TRAPPC8: variants seen among roughly 807,000 people sequenced by gnomAD.
The protein encoded by TRAPPC8 is trafficking protein particle complex subunit 8, also known as general sporulation gene 1 homolog.
A neutral mutation model predicts 174.3 loss-of-function variants in TRAPPC8; 54 were observed. That is an observed-to-expected ratio of 0.31 (90% CI 0.25 to 0.39). The LOEUF (loss-of-function observed/expected upper bound fraction) is 0.39, where lower values mean the gene tolerates loss of function less well. Ranked by LOEUF, TRAPPC8 falls within the 10% of genes least tolerant of loss-of-function variation. The probability of loss-of-function intolerance (pLI) is 1.00; values close to 1 mark genes in which losing one functional copy is unlikely to be tolerated. For synonymous variants in TRAPPC8, 630 were observed against 579.9 expected (o/e 1.09, Z -1.24); for missense variants, 1,531 against 1,699.1 (o/e 0.90, Z 1.74).
intron 11 of TRAPPC8, among the ~76,000 whole-genome samples, chr18:31,896,825 T>C (rs919697131): frequency 2.0e-5 from 3 of 152,190 alleles, no homozygotes; most frequent in Non-Finnish European, 4.4e-5. Context: ...GATTACACTA[T>C]GTTGGCCAGG....
At chr18:31,899,225 AT>A (rs947753761) in intron 10 of TRAPPC8, among the ~76,000 whole-genome samples, 8 of 152,144 alleles carry the variant, frequency 5.3e-5, no homozygotes, top group Non-Finnish European at 1.5e-5. Context: ...TATTTTACTT[AT>A]TTATGTTTGA....
intron 16 of TRAPPC8, among the ~76,000 whole-genome samples, chr18:31,868,809 C>T (rs1202465164): frequency 6.6e-6 from 1 of 151,954 alleles, no homozygotes; most frequent in Non-Finnish European, 1.5e-5. Flanking sequence ...CTCAAGCAAT[C>T]CTCCCACCTC....
chr18:31,863,585 G>C (rs1440043435), intron 19 of TRAPPC8, among the ~76,000 whole-genome samples: 1 of 152,176 alleles, frequency 6.6e-6, no homozygotes, highest in Non-Finnish European at 1.5e-5. Flanking sequence ...TAGTATGATT[G>C]CATCTATAAT....
rs1007947292 is a variant in TRAPPC8, at chr18:31,864,763, A to G, written c.2609T>C (p.Met870Thr). The part of the protein sequence containing the change: ...GCHTGKYSLS[M>T]SVRGKQDLEI... ...TAAATCCTGCTTCCCTCGGACTGAC[A>G]TACTCAAGGAATATTTTCCTGAAAT... is the stretch of plus-strand genomic sequence containing the variant. The change falls in exon 19 of 29, where the codon ATG (methionine) becomes ACG (threonine). Residue 870 changes from methionine (M) to threonine (T), a missense_variant. Transcript: ENST00000283351. The G allele has an allele frequency of 1.9e-6, 3 of 1,607,528 alleles. No homozygotes were observed. Among genetic ancestry groups the G allele is most frequent in the Non-Finnish European group, 2.5e-6 (3 of 1,177,940 alleles).
In TRAPPC8 at chr18:31,857,994, G is replaced by GTATAAA. The variant is rs761194296; in HGVS notation, c.2746-13_2746-12insTTTATA. 1.3e-6 allele frequency: 2 copies of GTATAAA among 1,552,138 alleles called. No homozygotes were observed. The highest frequency in any genetic ancestry group is 1.7e-6 in the Non-Finnish European group (2 of 1,152,170). ...TGTATAAAGAACACCTGCATTGGAG[G>GTATAAA]GAAAAAATATTATTATTTGTCTGTT... On this transcript the variant is annotated splice_polypyrimidine_tract_variant and intron_variant, in intron 19 of 28. Coordinates refer to ENST00000283351, the MANE Select transcript of TRAPPC8 (RefSeq NM_014939.5).
At chr18:31,833,537 T>A (rs1184443415) in intron 27 of TRAPPC8, 5 of 152,264 alleles carry the variant, frequency 3.3e-5, no homozygotes, top group Non-Finnish European at 7.3e-5. Context: ...TCAAGTCTCA[T>A]GTCTCATTTT....
rs746552688 is a variant in TRAPPC8 at position 31,908,346 on chromosome 18, G to C, written c.1195C>G (p.Pro399Ala). The C allele has an allele frequency of 1.9e-6, 3 of 1,606,356 alleles. No individual in the cohort carries two copies. The Admixed American group carries it at 5.1e-5, about 27-fold the overall frequency. ...TKKWFSGSKV[P>A]EKSINDLKNT... ...TTCAGGTCATTAATGCTCTTTTCTG[G>C]AACTTTACTGCCACTAAACCATTTT... is the stretch of plus-strand genomic sequence containing the variant. The change falls in exon 8 of 29, where the codon CCA (proline) becomes GCA (alanine). Residue 399 changes from proline to alanine, a missense_variant. By Grantham distance (27) the Pro-to-Ala change is conservative (BLOSUM62 -1). Coordinates refer to ENST00000283351, the MANE Select transcript of TRAPPC8 (RefSeq NM_014939.5).
chr18:31,882,585 A>G (rs139656049), intron 12 of TRAPPC8, among the ~76,000 whole-genome samples: 90 of 152,000 alleles, frequency 5.9e-4, no homozygotes, highest in Non-Finnish European at 7.9e-4. Flanking sequence ...TGCAGCAAAC[A>G]CAGACATGGA....
chr18:31,844,726 AAAAAG>A (rs1197178784), intron 26 of TRAPPC8: 15 of 151,550 alleles, frequency 9.9e-5, no homozygotes, highest in African/African-American at 3.1e-4. Context: ...AAAAAAAAAA[AAAAAG>A]AAAAGAAAAG....
chr18:31,863,218 A>C (rs575727357), intron 19 of TRAPPC8, among the ~76,000 whole-genome samples: 2 of 152,150 alleles, frequency 1.3e-5, no homozygotes, highest in African/African-American at 2.4e-5. Flanking sequence ...ACAAAAACTG[A>C]TATTATCCAG....
At position 31,840,357 on chromosome 18, in the gene TRAPPC8, AAAAT is replaced by A. The variant is rs1396571824; in HGVS notation, c.3838-904_3838-901del. ...GGGCAACAGAATGTGGCTCTGCCTC[AAAAT>A]AAATAGAGAGACAGAGGGAGGGAGG... On this transcript the variant is annotated intron_variant, in intron 26 of 28. Coordinates refer to ENST00000283351, the MANE Select transcript of TRAPPC8 (RefSeq NM_014939.5). Among the ~76,000 whole-genome samples, 4 of 151,918 alleles carry A rather than the reference AAAAT, an allele frequency of 2.6e-5. No homozygotes were observed. The East Asian group carries it at 7.7e-4, about 29-fold the overall frequency.
At chr18:31,914,040 G>C (rs1341020091) in intron 4 of TRAPPC8, among the ~76,000 whole-genome samples, 2 of 151,170 alleles carry the variant, frequency 1.3e-5, no homozygotes, top group African/African-American at 4.9e-5. Context: ...GCACACACCT[G>C]TGGTCCCAGC....
intron 12 of TRAPPC8, among the ~76,000 whole-genome samples, chr18:31,877,798 C>G (rs2035233824): frequency 6.6e-6 from 1 of 151,772 alleles, no homozygotes; most frequent in African/African-American, 2.4e-5. Context: ...TGGCGCGTGC[C>G]TGTAATCCCA....
At chr18:31,931,277 T>C (rs2037833596) in intron 2 of TRAPPC8, 52 bp downstream of exon 2, 1 of 1,463,688 alleles carries the variant, frequency 6.8e-7, no homozygotes, top group Non-Finnish European at 9.1e-7. Context: ...AATCGCTTTT[T>C]CTAACAAAAC....
intron 9 of TRAPPC8, among the ~76,000 whole-genome samples, chr18:31,904,567 A>G (rs1175207950): frequency 6.6e-6 from 1 of 152,196 alleles, no homozygotes; most frequent in Non-Finnish European, 1.5e-5. Context: ...GAGAACTGAA[A>G]TATGATTAAA....
At chr18:31,849,193 T>A (rs1002670146) in intron 25 of TRAPPC8, among the ~76,000 whole-genome samples, 4 of 152,122 alleles carry the variant, frequency 2.6e-5, no homozygotes, top group African/African-American at 9.7e-5. Context: ...ATGGATTATA[T>A]GAAATATGAA....
Position 31,863,462 on chromosome 18 carries a change from G to A in TRAPPC8, c.2745+1165C>T, listed in dbSNP as rs200900539. On this transcript the variant is annotated intron_variant, in intron 19 of 28. Transcript: ENST00000283351. ...GAAAAACTAGAAGTAAACCCATTAA[G>A]AGCATGAAAATATATTACAGTATAT... is the stretch of plus-strand genomic sequence containing the variant. Among the ~76,000 whole-genome samples the A allele has an allele frequency of 2.0e-4, 30 of 152,252 alleles. No individual in the cohort carries two copies. In the East Asian group the frequency reaches 3.1e-3, roughly 16 times the overall value.
At chr18:31,902,905 T>C (rs1232318038) in intron 9 of TRAPPC8, among the ~76,000 whole-genome samples, 4 of 151,808 alleles carry the variant, frequency 2.6e-5, no homozygotes, top group South Asian at 2.1e-4. Flanking sequence ...AAAAATTAGC[T>C]GGGCAAGGTG....
intron 26 of TRAPPC8, among the ~76,000 whole-genome samples, chr18:31,843,776 G>C (rs1039558784): frequency 1.3e-5 from 2 of 152,168 alleles, no homozygotes; most frequent in African/African-American, 4.8e-5. Context: ...CTACCTGGGG[G>C]ATAGACGGAA....
Sources: allele counts gnomAD v4.1 joint callset (sites outside exome capture counted in the v4.1 genomes callset), GRCh38; gene constraint gnomAD v4.1.1; transcripts MANE v1.5; gene names NCBI Gene and HGNC (gene_info 2026-07-23, HGNC 2026-07-21).